CCDC30: variants seen among roughly 807,000 people sequenced by gnomAD.
The protein encoded by CCDC30 is coiled-coil domain containing 30.
CCDC30 carries 70 observed loss-of-function variants against 100.2 expected under a neutral mutation model. That is an observed-to-expected ratio of 0.70 (90% CI 0.58 to 0.85). The LOEUF (loss-of-function observed/expected upper bound fraction) is 0.85, where lower values mean the gene tolerates loss of function less well. Ranked by LOEUF, CCDC30 falls within the 40% of genes least tolerant of loss-of-function variation. The pLI, the probability that CCDC30 is intolerant of heterozygous loss-of-function variation, is 0.00. For missense variants in CCDC30, 652 were observed against 771.2 expected (o/e 0.85, Z 1.83); for synonymous variants, 233 against 269.5 (o/e 0.86, Z 1.33).
At chr1:42,529,344 C>T (rs4463716) in intron 6 of CCDC30, among the ~76,000 whole-genome samples, 30,641 of 151,922 alleles carry the variant, frequency 0.2, 3,363 homozygotes, top group South Asian at 0.42. Context: ...TGGTGGCGGA[C>T]GCCTGTAATC....
chr1:42,494,198 C>T lies in CCDC30; in HGVS notation c.242-2900C>T, dbSNP rs113163484. On this transcript the variant is annotated intron_variant, in intron 4 of 16. Coordinates refer to ENST00000668663, the Ensembl canonical transcript of CCDC30. ...CAGAACAGAGCCCTCAGAAATAACA[C>T]CGCATATCTACAACTATCTGATCTT... Among the ~76,000 whole-genome samples the T allele has an allele frequency of 7.9e-3, 1,199 of 152,288 alleles. 21 individuals are homozygous for T. Among genetic ancestry groups the T allele is most frequent in the African/African-American group, 0.027 (1,121 of 41,550 alleles).
intron 4 of CCDC30, among the ~76,000 whole-genome samples, chr1:42,493,506 G>A (rs1487926045): frequency 3.9e-5 from 6 of 152,004 alleles, no homozygotes; most frequent in African/African-American, 7.2e-5. Context: ...GTAGAATCTC[G>A]AACCTGGGAG....
At chr1:42,635,303 C>T (rs2148674980) in intron 11 of CCDC30, among the ~76,000 whole-genome samples, 1 of 152,024 alleles carries the variant, frequency 6.6e-6, no homozygotes, top group East Asian at 2.0e-4. Flanking sequence ...GCCTTGGCCT[C>T]CCAAAGTGCT....
chr1:42,479,059 C>T (rs538616930), intron 1 of CCDC30, among the ~76,000 whole-genome samples: 27 of 152,186 alleles, frequency 1.8e-4, no homozygotes, highest in African/African-American at 6.3e-4. Context: ...AAGACTTAAC[C>T]ATAAAGCTGT....
At chr1:42,495,293 G>A (rs199695054) in intron 4 of CCDC30, among the ~76,000 whole-genome samples, 2 of 151,794 alleles carry the variant, frequency 1.3e-5, no homozygotes, top group South Asian at 4.2e-4. Flanking sequence ...ACTCATAGGT[G>A]GGAATTGAAC....
At chr1:42,582,753 C>G (rs951634717) in intron 9 of CCDC30, among the ~76,000 whole-genome samples, 4 of 152,204 alleles carry the variant, frequency 2.6e-5, no homozygotes, top group African/African-American at 4.8e-5. Flanking sequence ...ACTTCCTCCT[C>G]CTCTTGGTAG....
At chr1:42,460,337 T>C, upstream of CCDC30, 1 of 984,158 alleles carries the variant, frequency 1.0e-6, no homozygotes. Flanking sequence ...TGAATAAACA[T>C]ATCTTGTTTA....
At chr1:42,616,286 G>T (rs908255138) in intron 11 of CCDC30, among the ~76,000 whole-genome samples, 1 of 152,182 alleles carries the variant, frequency 6.6e-6, no homozygotes, top group African/African-American at 2.4e-5. Context: ...GCCTTTTAGG[G>T]TGGTGGATTC....
chr1:42,501,177 A>G (rs998658171), intron 6 of CCDC30, among the ~76,000 whole-genome samples: 3 of 152,174 alleles, frequency 2.0e-5, no homozygotes, highest in Non-Finnish European at 4.4e-5. Flanking sequence ...ATTTAGGTTT[A>G]TTATCTACTG....
intron 7 of CCDC30, among the ~76,000 whole-genome samples, chr1:42,576,786 G>A (rs1388890119): frequency 1.3e-5 from 2 of 152,132 alleles, no homozygotes; most frequent in Non-Finnish European, 1.5e-5. Flanking sequence ...ATTGAAGAAA[G>A]GATGGAAAAT....
intron 5 of CCDC30, among the ~76,000 whole-genome samples, chr1:42,498,397 A>G (rs1380339473): frequency 6.6e-6 from 1 of 152,168 alleles, no homozygotes; most frequent in African/African-American, 2.4e-5. Context: ...GTACTTAATA[A>G]TATGCTTAAT....
chr1:42,567,554 G>T (rs76262450), intron 7 of CCDC30, among the ~76,000 whole-genome samples: 2 of 152,160 alleles, frequency 1.3e-5, no homozygotes, highest in African/African-American at 4.8e-5. Flanking sequence ...GGGAGTTCTC[G>T]TATTCCGGGA....
chr1:42,634,453 T>C (rs983684808), intron 11 of CCDC30, among the ~76,000 whole-genome samples: 9 of 152,060 alleles, frequency 5.9e-5, no homozygotes, highest in Admixed American at 5.9e-4. Flanking sequence ...GCCTAAAATG[T>C]GAACAATGCA....
chr1:42,618,546 G>A (rs1009971433), intron 11 of CCDC30, among the ~76,000 whole-genome samples: 2 of 152,106 alleles, frequency 1.3e-5, no homozygotes, highest in Non-Finnish European at 2.9e-5. Flanking sequence ...GAAAACCAGT[G>A]ATATCTTTTA....
intron 6 of CCDC30, among the ~76,000 whole-genome samples, chr1:42,506,958 C>T (rs1644403995): frequency 6.6e-6 from 1 of 152,142 alleles, no homozygotes; most frequent in Admixed American, 6.5e-5. Flanking sequence ...TGGAATTTTG[C>T]TCTTGTTGCC....
chr1:42,634,249 C>CAAAA (rs754829759), intron 11 of CCDC30, among the ~76,000 whole-genome samples: 25 of 115,290 alleles, frequency 2.2e-4, no homozygotes, highest in African/African-American at 5.9e-4. Context: ...AAGACTGTCT[C>CAAAA]AAAAAAAAAA....
rs541953609 is a variant in CCDC30, at chr1:42,545,787, A to C, written c.457-20509A>C. On this transcript the variant is annotated intron_variant, in intron 6 of 16. Coordinates refer to ENST00000668663, the Ensembl canonical transcript of CCDC30. The stretch of plus-strand genomic sequence containing the variant: ...CATGGCAAACCCCATCTCTACAAAA[A>C]ACAAAAATTAGCCTGGCATGATGAT... Among the ~76,000 whole-genome samples, 5 of 151,846 alleles carry C rather than the reference A, an allele frequency of 3.3e-5. No individual in the cohort carries two copies. The East Asian group carries it at 9.7e-4, about 30-fold the overall frequency.
chr1:42,581,568 T>C lies in CCDC30; in HGVS notation c.1001+54T>C, dbSNP rs184673498. The C allele has an allele frequency of 5.3e-6, 8 of 1,504,220 alleles. No individual in the cohort carries two copies. In the East Asian group the frequency reaches 1.6e-4, roughly 31 times the overall value. 93.2% of individuals were successfully genotyped at this position (1,504,220 alleles called of 1,614,324 possible). On this transcript the variant is annotated intron_variant, in intron 9 of 16. Transcript: ENST00000668663. ...GTGGGTTTAGCCATGACTGAGTTAA[T>C]CAGCAATATCAATTTTTTCTAACAG...
Position 42,653,157 on chromosome 1 carries a change from TAGAC to T in CCDC30, c.1855-215_1855-212del, listed in dbSNP as rs146465473. Among the ~76,000 whole-genome samples, 922 of 152,200 alleles carry T rather than the reference TAGAC, an allele frequency of 6.1e-3. 8 individuals carry two copies. The highest frequency in any genetic ancestry group is 0.021 in the African/African-American group (860 of 41,526). On this transcript the variant is annotated intron_variant, in intron 15 of 16. Coordinates refer to ENST00000668663, the Ensembl canonical transcript of CCDC30. ...ATAGTACCATGTGTGTAAAACTAGA[TAGAC>T]AGATATAGATAGATCGTCTATAGAT...
Sources: allele counts gnomAD v4.1 joint callset (sites outside exome capture counted in the v4.1 genomes callset), GRCh38; gene constraint gnomAD v4.1.1; transcripts MANE v1.5; gene names NCBI Gene and HGNC (gene_info 2026-07-23, HGNC 2026-07-21).